DIS3L2: variants seen among roughly 807,000 people sequenced by gnomAD.
DIS3L2 encodes DIS3 like 3'-5' exoribonuclease 2.
Under a neutral mutation model 97.5 loss-of-function variants are expected in DIS3L2, and 34 were observed. That is an observed-to-expected ratio of 0.35 (90% CI 0.27 to 0.46). The LOEUF (loss-of-function observed/expected upper bound fraction) is 0.46, where lower values mean the gene tolerates loss of function less well. Ranked by LOEUF, DIS3L2 falls within the 20% of genes least tolerant of loss-of-function variation. DIS3L2 has a pLI of 1.00. For missense variants in DIS3L2, 1,038 were observed against 1,146.0 expected, an observed-to-expected ratio of 0.91 and a Z score of 1.36; for synonymous variants, 435 against 445.2, an observed-to-expected ratio of 0.98 and a Z score of 0.29.
At chr2:232,234,737 C>T (rs1692886780) in intron 10 of DIS3L2, among the ~76,000 whole-genome samples, 1 of 152,204 alleles carries the variant, frequency 6.6e-6, no homozygotes, top group Non-Finnish European at 1.5e-5. Context: ...AGCTTACTGC[C>T]ATATACTTGA....
intron 10 of DIS3L2, among the ~76,000 whole-genome samples, chr2:232,235,890 C>G (rs748742777): frequency 2.4e-4 from 36 of 152,192 alleles, no homozygotes; most frequent in South Asian, 6.2e-4. Flanking sequence ...CTCCCAGTGA[C>G]CCAGCGACAC....
intron 1 of DIS3L2, among the ~76,000 whole-genome samples, chr2:231,968,083 AT>A (rs1375912303): frequency 6.7e-6 from 1 of 150,186 alleles, no homozygotes; most frequent in Non-Finnish European, 1.5e-5. Flanking sequence ...CCTGATCCCT[AT>A]CCCAGATAAC....
intron 14 of DIS3L2, among the ~76,000 whole-genome samples, chr2:232,310,736 C>G (rs547555187): frequency 6.6e-6 from 1 of 152,204 alleles, no homozygotes; most frequent in Non-Finnish European, 1.5e-5. Flanking sequence ...TGGATACTAC[C>G]CCAGCTATCT....
chr2:232,330,869 T>C lies in DIS3L2; in HGVS notation c.2010+93T>C. On this transcript the variant is annotated intron_variant, in intron 16 of 20. Transcript: ENST00000325385. ...ACGTGCAAGCACAGGCCCCCACCGT[T>C]CCTGCCTGCTCTGGACATGGCTGGG... 8 of 1,276,440 alleles carry C rather than the reference T, an allele frequency of 6.3e-6. No homozygotes were observed. In the South Asian group the frequency reaches 9.5e-5, roughly 15 times the overall value. The allele number at this position is 1,276,440 out of a possible 1,614,324, so 79.1% of individuals were successfully genotyped here.
intron 5 of DIS3L2, among the ~76,000 whole-genome samples, chr2:232,048,528 C>T (rs1472146390): frequency 6.6e-6 from 1 of 152,044 alleles, no homozygotes; most frequent in Non-Finnish European, 1.5e-5. Context: ...GTCAGGAGAT[C>T]GAGACCATCC....
At chr2:232,006,062 C>T (rs1412597187) in intron 1 of DIS3L2, among the ~76,000 whole-genome samples, 1 of 152,188 alleles carries the variant, frequency 6.6e-6, no homozygotes, top group Non-Finnish European at 1.5e-5. Flanking sequence ...GTGGCACACT[C>T]CTATAGTCCT....
intron 1 of DIS3L2, among the ~76,000 whole-genome samples, chr2:231,976,440 G>A (rs1017115677): frequency 3.3e-5 from 5 of 151,746 alleles, no homozygotes; most frequent in Non-Finnish European, 2.9e-5. Context: ...GACCAACCTC[G>A]GTAACGTGAA....
At chr2:232,337,519 G>A (rs1464762226), downstream of DIS3L2, among the ~76,000 whole-genome samples, 12 of 152,006 alleles carry the variant, frequency 7.9e-5, no homozygotes, top group Non-Finnish European at 1.6e-4. Context: ...GGGTGACACG[G>A]ATCCCACCTG....
At chr2:232,062,945 C>T (rs1695753716) in intron 5 of DIS3L2, among the ~76,000 whole-genome samples, 1 of 152,116 alleles carries the variant, frequency 6.6e-6, no homozygotes, top group African/African-American at 2.4e-5. Flanking sequence ...TCTGGTTTCC[C>T]CCTTCCCACA....
chr2:232,067,582 T>G (rs1306798777), intron 5 of DIS3L2, among the ~76,000 whole-genome samples: 1 of 152,240 alleles, frequency 6.6e-6, no homozygotes, highest in Admixed American at 6.5e-5. Context: ...ACATTCTCTG[T>G]GCACTTGAAC....
intron 6 of DIS3L2, among the ~76,000 whole-genome samples, chr2:232,091,545 C>G (rs1696837147): frequency 6.6e-6 from 1 of 152,024 alleles, no homozygotes; most frequent in South Asian, 2.1e-4. Flanking sequence ...TTTCTTTATC[C>G]ATTTGTCTGT....
intron 5 of DIS3L2, among the ~76,000 whole-genome samples, chr2:232,079,748 A>C (rs1164876956): frequency 6.6e-6 from 1 of 152,208 alleles, no homozygotes; most frequent in Non-Finnish European, 1.5e-5. Context: ...AGACTTCAAC[A>C]AAACAAGAGG....
intron 5 of DIS3L2, among the ~76,000 whole-genome samples, chr2:232,079,947 G>A (rs1053129008): frequency 1.8e-4 from 27 of 152,326 alleles, no homozygotes; most frequent in African/African-American, 5.8e-4. Context: ...CTTGTAGCAC[G>A]GCAATGGAAG....
chr2:232,062,089 G>A (rs888808956), intron 5 of DIS3L2, among the ~76,000 whole-genome samples: 9 of 152,208 alleles, frequency 5.9e-5, no homozygotes, highest in Admixed American at 3.3e-4. Flanking sequence ...GTTCAGCTAC[G>A]GGGCGGGCTG....
intron 1 of DIS3L2, among the ~76,000 whole-genome samples, chr2:231,985,654 C>T (rs1236956595): frequency 6.6e-6 from 1 of 152,330 alleles, no homozygotes; most frequent in African/African-American, 2.4e-5. Context: ...TCCTTTCTCT[C>T]TCTCCACTTT....
At chr2:232,143,930 T>C (rs1182817472) in intron 8 of DIS3L2, among the ~76,000 whole-genome samples, 1 of 152,124 alleles carries the variant, frequency 6.6e-6, no homozygotes, top group Admixed American at 6.6e-5. Context: ...CTAAATGTTA[T>C]TTTGTTTTGC....
At chr2:232,004,193 C>T (rs1016640773) in intron 1 of DIS3L2, among the ~76,000 whole-genome samples, 14 of 152,236 alleles carry the variant, frequency 9.2e-5, no homozygotes, top group African/African-American at 3.4e-4. Flanking sequence ...ATGCCTCACC[C>T]TCCCAAGTAG....
At chr2:232,053,608 C>T (rs1695467068) in intron 5 of DIS3L2, among the ~76,000 whole-genome samples, 1 of 152,192 alleles carries the variant, frequency 6.6e-6, no homozygotes, top group African/African-American at 2.4e-5. Flanking sequence ...CCATGGCCCC[C>T]TCAGGTTCAG....
chr2:232,029,757 G>C (rs765379352), intron 4 of DIS3L2, among the ~76,000 whole-genome samples: 8 of 151,836 alleles, frequency 5.3e-5, no homozygotes, highest in Non-Finnish European at 7.4e-5. Context: ...ATTATATGTT[G>C]TTCCTCTTCT....
Sources: allele counts gnomAD v4.1 joint callset (sites outside exome capture counted in the v4.1 genomes callset), GRCh38; gene constraint gnomAD v4.1.1; transcripts MANE v1.5; gene names NCBI Gene and HGNC (gene_info 2026-07-23, HGNC 2026-07-21).